SYN3: variants seen among roughly 807,000 people sequenced by gnomAD.
The protein encoded by SYN3 is synapsin III.
Under a neutral mutation model 65.8 loss-of-function variants are expected in SYN3, and 35 were observed. The observed-to-expected ratio is 0.53, with a 90% CI of 0.41 to 0.70. The LOEUF (loss-of-function observed/expected upper bound fraction) is 0.70, where lower values mean the gene tolerates loss of function less well. Among genes scored for constraint, SYN3 ranks in the 30% least tolerant of loss-of-function variants. SYN3 has a pLI of 0.00. For missense variants in SYN3, 680 were observed against 749.0 expected, an observed-to-expected ratio of 0.91 and a Z score of 1.08; for synonymous variants, 270 against 292.9, an observed-to-expected ratio of 0.92 and a Z score of 0.80.
intron 6 of SYN3, among the ~76,000 whole-genome samples, chr22:32,634,476 C>T (rs1015142830): frequency 2.0e-5 from 3 of 152,160 alleles, no homozygotes; most frequent in Admixed American, 6.5e-5. Context: ...GAGGGGTTGA[C>T]GGCATCCGTG....
chr22:32,645,608 A>G (rs575978263), intron 6 of SYN3, among the ~76,000 whole-genome samples: 25 of 152,288 alleles, frequency 1.6e-4, no homozygotes, highest in African/African-American at 5.8e-4. Flanking sequence ...GTTAATTGGT[A>G]ATTGTTTCCA....
At chr22:32,535,213 C>T (rs1357843974) in intron 9 of SYN3, among the ~76,000 whole-genome samples, 1 of 152,170 alleles carries the variant, frequency 6.6e-6, no homozygotes, top group Non-Finnish European at 1.5e-5. Context: ...CTGAAGGTGC[C>T]CCAGCCCATC....
At chr22:32,602,409 G>T (rs2059297378) in intron 6 of SYN3, among the ~76,000 whole-genome samples, 1 of 152,054 alleles carries the variant, frequency 6.6e-6, no homozygotes, top group Non-Finnish European at 1.5e-5. Flanking sequence ...CTCCTCCCAT[G>T]TCAATAAAGA....
intron 6 of SYN3, among the ~76,000 whole-genome samples, chr22:32,785,212 A>G (rs1465048687): frequency 6.6e-6 from 1 of 152,110 alleles, no homozygotes; most frequent in Non-Finnish European, 1.5e-5. Flanking sequence ...GGAGGGTTAT[A>G]CAGAGACTCC....
At chr22:33,008,924 C>CAAAAAAAAAA (rs201719238) in intron 1 of SYN3, among the ~76,000 whole-genome samples, 31 of 57,086 alleles carry the variant, frequency 5.4e-4, no homozygotes, top group Non-Finnish European at 8.1e-4. Context: ...GACTTTATCT[C>CAAAAAAAAAA]AAAAAAAAAA....
chr22:32,917,865 G>A (rs1021422004), intron 4 of SYN3, among the ~76,000 whole-genome samples: 8 of 152,202 alleles, frequency 5.3e-5, no homozygotes, highest in Non-Finnish European at 1.0e-4. Flanking sequence ...CTCTCTTCCC[G>A]TTCCCACGCC....
At chr22:32,714,470 A>C (rs1402191633) in intron 6 of SYN3, among the ~76,000 whole-genome samples, 1 of 152,216 alleles carries the variant, frequency 6.6e-6, no homozygotes, top group African/African-American at 2.4e-5. Context: ...TTTTTAAAAA[A>C]TGCCCAAGAG....
intron 3 of SYN3, among the ~76,000 whole-genome samples, chr22:32,942,170 G>A (rs536921146): frequency 1.5e-4 from 23 of 152,288 alleles, no homozygotes; most frequent in African/African-American, 5.1e-4. Flanking sequence ...CCTGACCCCC[G>A]AGTAGCCTAA....
chr22:32,972,656 T>C (rs2052054771), intron 3 of SYN3, among the ~76,000 whole-genome samples: 1 of 152,152 alleles, frequency 6.6e-6, no homozygotes. Context: ...CCAACAACTA[T>C]AGCAGTTTGA....
chr22:33,052,310 G>A (rs1364430842), intron 1 of SYN3, among the ~76,000 whole-genome samples: 1 of 152,314 alleles, frequency 6.6e-6, no homozygotes, highest in South Asian at 2.1e-4. Context: ...ACCTGGGGCT[G>A]TGCCCGTCCC....
intron 4 of SYN3, among the ~76,000 whole-genome samples, chr22:32,913,417 C>T (rs574318082): frequency 4.6e-5 from 7 of 152,028 alleles, no homozygotes; most frequent in African/African-American, 1.7e-4. Flanking sequence ...CTCGGCCTCC[C>T]AAAGTGCTGG....
chr22:32,935,306 T>TCACA (rs1391302847), intron 3 of SYN3, among the ~76,000 whole-genome samples: 1 of 144,982 alleles, frequency 6.9e-6, no homozygotes, highest in African/African-American at 2.5e-5. Context: ...TCTCTCTCTC[T>TCACA]CTCACACACA....
chr22:32,699,066 G>A (rs998290504), intron 6 of SYN3, among the ~76,000 whole-genome samples: 7 of 152,184 alleles, frequency 4.6e-5, no homozygotes, highest in African/African-American at 1.2e-4. Flanking sequence ...CAGCCTTGGC[G>A]CTAGACGCTC....
chr22:32,788,824 C>T (rs566412392), intron 6 of SYN3, among the ~76,000 whole-genome samples: 12 of 152,294 alleles, frequency 7.9e-5, no homozygotes, highest in Admixed American at 3.9e-4. Context: ...CTAGTCATTA[C>T]GGACTTCTAG....
At chr22:32,559,278 T>C (rs2058549194) in intron 7 of SYN3, among the ~76,000 whole-genome samples, 1 of 152,160 alleles carries the variant, frequency 6.6e-6, no homozygotes, top group Non-Finnish European at 1.5e-5. Context: ...GACACTGTTG[T>C]AGACACCAAG....
intron 4 of SYN3, among the ~76,000 whole-genome samples, chr22:32,915,049 G>C (rs1334850710): frequency 1.3e-5 from 2 of 152,096 alleles, no homozygotes; most frequent in Admixed American, 6.5e-5. Flanking sequence ...TTTAAAAGCA[G>C]GCTATAAGAA....
chr22:32,730,167 C>T (rs1032482339), intron 6 of SYN3, among the ~76,000 whole-genome samples: 11 of 152,192 alleles, frequency 7.2e-5, no homozygotes, highest in African/African-American at 1.7e-4. Context: ...TTGGCTAAGA[C>T]AAAGAATAAC....
At chr22:32,657,443 T>A (rs1174356114) in intron 6 of SYN3, among the ~76,000 whole-genome samples, 6 of 152,182 alleles carry the variant, frequency 3.9e-5, no homozygotes. Flanking sequence ...TCACTTCTTG[T>A]CTGACATGGA....
intron 6 of SYN3, among the ~76,000 whole-genome samples, chr22:32,757,982 C>T (rs748951937): frequency 2.0e-5 from 3 of 152,194 alleles, no homozygotes; most frequent in Non-Finnish European, 4.4e-5. Context: ...GCTGCAGAAA[C>T]GAGGACTGTA....
Sources: allele counts gnomAD v4.1 joint callset (sites outside exome capture counted in the v4.1 genomes callset), GRCh38; gene constraint gnomAD v4.1.1; transcripts MANE v1.5; gene names NCBI Gene and HGNC (gene_info 2026-07-23, HGNC 2026-07-21).